The following DLG2 variants were observed in gnomAD, a reference collection of about 807,000 sequenced individuals.
The protein encoded by DLG2 is discs large MAGUK scaffold protein 2.
A neutral mutation model predicts 132.5 loss-of-function variants in DLG2; 45 were observed. That is an observed-to-expected ratio of 0.34 (90% CI 0.27 to 0.44). The LOEUF is 0.44. Among genes scored for constraint, DLG2 ranks in the 20% least tolerant of loss-of-function variants. The probability of loss-of-function intolerance (pLI) is 1.00; values close to 1 mark genes in which losing one functional copy is unlikely to be tolerated. For synonymous variants in DLG2, 424 were observed against 419.6 expected (o/e 1.01, Z -0.13); for missense variants, 1,045 against 1,196.9 (o/e 0.87, Z 1.87).
chr11:83,753,830 T>TATG lies in DLG2; in HGVS notation c.1825+32859_1825+32860insCAT, dbSNP rs1395746741. On this transcript the variant is annotated intron_variant, in intron 18 of 27. Coordinates refer to ENST00000376104, the MANE Select transcript of DLG2 (RefSeq NM_001142699.3). ...ATATATCATATATATATTTCATATA[T>TATG]ATATGATATATATCATATATATCAT... is the stretch of plus-strand genomic sequence containing the variant. 6.4e-4 allele frequency among the ~76,000 whole-genome samples: 10 copies of TATG among 15,680 alleles called. 1 individual carries two copies. The highest frequency in any genetic ancestry group is 4.4e-3 in the African/African-American group (9 of 2,058). 10.3% of individuals were successfully genotyped at this position (15,680 alleles called of 152,430 possible).
intron 3 of DLG2, among the ~76,000 whole-genome samples, chr11:85,583,406 T>TA (rs1483269587): frequency 6.6e-6 from 1 of 150,440 alleles, no homozygotes; most frequent in Non-Finnish European, 1.5e-5. Flanking sequence ...AGGTTGGTCT[T>TA]AAACTCCTGG....
At chr11:84,495,939 C>T (rs2099181978) in intron 7 of DLG2, among the ~76,000 whole-genome samples, 1 of 152,120 alleles carries the variant, frequency 6.6e-6, no homozygotes, top group South Asian at 2.1e-4. Flanking sequence ...TTTCTCCCCA[C>T]TTGTGGTGGC....
intron 3 of DLG2, among the ~76,000 whole-genome samples, chr11:85,290,641 A>G (rs1279679360): frequency 6.6e-6 from 1 of 152,070 alleles, no homozygotes; most frequent in Non-Finnish European, 1.5e-5. Context: ...CTTAGTATGG[A>G]TATTATTGAC....
At chr11:85,152,499 A>G (rs1316269770) in intron 5 of DLG2, among the ~76,000 whole-genome samples, 1 of 152,082 alleles carries the variant, frequency 6.6e-6, no homozygotes, top group Non-Finnish European at 1.5e-5. Context: ...TTGGCCTCCC[A>G]AAGTGCTGGG....
At chr11:83,469,646 C>T (rs1756725512) in intron 24 of DLG2, among the ~76,000 whole-genome samples, 1 of 152,084 alleles carries the variant, frequency 6.6e-6, no homozygotes, top group Admixed American at 6.6e-5. Flanking sequence ...GAGCATTCAC[C>T]CCACCTCTCT....
intron 3 of DLG2, among the ~76,000 whole-genome samples, chr11:85,470,591 TG>T (rs2092953985): frequency 6.6e-6 from 1 of 152,082 alleles, no homozygotes; most frequent in Non-Finnish European, 1.5e-5. Context: ...GGCATGGTGT[TG>T]CATTCCCCAG....
At chr11:84,804,338 A>G (rs1181596833) in intron 6 of DLG2, among the ~76,000 whole-genome samples, 1 of 152,222 alleles carries the variant, frequency 6.6e-6, no homozygotes, top group Non-Finnish European at 1.5e-5. Context: ...CAAGTGCTAA[A>G]TGCCAAGTGC....
intron 6 of DLG2, among the ~76,000 whole-genome samples, chr11:85,008,282 AAT>A (rs1420468200): frequency 5.3e-5 from 8 of 152,170 alleles, no homozygotes; most frequent in Non-Finnish European, 1.0e-4. Context: ...CTGTAATAAA[AAT>A]ATGATATAAT....
chr11:85,517,868 G>T (rs2094199976), intron 3 of DLG2, among the ~76,000 whole-genome samples: 1 of 152,084 alleles, frequency 6.6e-6, no homozygotes, highest in Admixed American at 6.6e-5. Flanking sequence ...GGTCTTTCCT[G>T]TGCTGTTCTC....
chr11:83,633,448 C>T (rs2063932242), intron 18 of DLG2, 123 bp from the exon 19 acceptor site: 2 of 716,686 alleles, frequency 2.8e-6, no homozygotes, highest in Admixed American at 4.1e-5. Context: ...GGGAGATGTG[C>T]AACTCAAGGG....
chr11:85,556,424 G>A (rs1383834562), intron 3 of DLG2, among the ~76,000 whole-genome samples: 1 of 151,672 alleles, frequency 6.6e-6, no homozygotes, highest in East Asian at 1.9e-4. Flanking sequence ...AACTTTCCTT[G>A]GACATACCCA....
In DLG2 at chr11:83,837,723, C is replaced by CAAAAAAAAAAAAAAAA. The variant is rs386374350; in HGVS notation, c.1566-3969_1566-3954dup. On this transcript the variant is annotated intron_variant, in intron 16 of 27. Transcript: ENST00000376104. ...GTGCTCTGTCCAAATACATAGCAAG[C>CAAAAAAAAAAAAAAAA]AAAAAAAAAAAAAAAAAAAAAAAAG... Among the ~76,000 whole-genome samples the CAAAAAAAAAAAAAAAA allele has an allele frequency of 4.9e-3, 223 of 45,810 alleles. 2 individuals are homozygous for CAAAAAAAAAAAAAAAA. The highest frequency in any genetic ancestry group is 6.3e-3 in the Admixed American group (17 of 2,698). 30.1% of individuals were successfully genotyped at this position (45,810 alleles called of 152,430 possible).
intron 9 of DLG2, among the ~76,000 whole-genome samples, chr11:84,104,396 G>T (rs2092758793): frequency 6.6e-6 from 1 of 152,024 alleles, no homozygotes; most frequent in Non-Finnish European, 1.5e-5. Flanking sequence ...TAAAGATGGG[G>T]ACAATAGATA....
At chr11:85,453,820 C>T (rs920270614) in intron 3 of DLG2, 2 of 152,054 alleles carry the variant, frequency 1.3e-5, no homozygotes, top group Non-Finnish European at 2.9e-5. Flanking sequence ...GGTACATGCA[C>T]AGAATTGTTG....
intron 3 of DLG2, among the ~76,000 whole-genome samples, chr11:85,304,160 T>C (rs1489853937): frequency 2.0e-5 from 3 of 152,200 alleles, no homozygotes; most frequent in African/African-American, 7.2e-5. Context: ...TGTGGAACCC[T>C]ACATTTTCCA....
At chr11:84,863,753 G>A (rs1171169724) in intron 6 of DLG2, among the ~76,000 whole-genome samples, 1 of 152,092 alleles carries the variant, frequency 6.6e-6, no homozygotes, top group Non-Finnish European at 1.5e-5. Context: ...TGTGGTAAAA[G>A]AAATAAAGCA....
chr11:84,027,057 C>G (rs1039981806), intron 11 of DLG2, among the ~76,000 whole-genome samples: 1 of 151,866 alleles, frequency 6.6e-6, no homozygotes, highest in African/African-American at 2.4e-5. Flanking sequence ...AACTGGGGTG[C>G]TAGGAGGTTC....
intron 7 of DLG2, among the ~76,000 whole-genome samples, chr11:84,529,426 G>A (rs763975853): frequency 6.6e-6 from 1 of 152,152 alleles, no homozygotes; most frequent in Non-Finnish European, 1.5e-5. Context: ...TCCATGATCT[G>A]ATAAACAACT....
intron 21 of DLG2, among the ~76,000 whole-genome samples, chr11:83,495,454 C>G (rs1246161956): frequency 6.6e-6 from 1 of 152,130 alleles, no homozygotes; most frequent in Non-Finnish European, 1.5e-5. Context: ...CAAAACTGAG[C>G]TTAAGGGTCA....
Sources: gnomAD v4.1 joint callset for allele counts (sites outside exome capture counted in the v4.1 genomes callset) on GRCh38, gnomAD v4.1.1 for gene constraint, MANE v1.5 for transcripts, NCBI Gene and HGNC (gene_info 2026-07-23, HGNC 2026-07-21) for gene names.